Variants in MAP2K5 observed in about 807,000 individuals in gnomAD.
MAP2K5 encodes the protein dual specificity mitogen-activated protein kinase kinase 5.
A neutral mutation model predicts 83.1 loss-of-function variants in MAP2K5; 49 were observed. That is an observed-to-expected ratio of 0.59 (90% CI 0.47 to 0.75). The LOEUF (loss-of-function observed/expected upper bound fraction) is 0.75. Ranked by LOEUF, MAP2K5 falls within the 30% of genes least tolerant of loss-of-function variation. The probability of loss-of-function intolerance (pLI) is 0.00; values close to 1 mark genes in which losing one functional copy is unlikely to be tolerated. For synonymous variants in MAP2K5, 202 were observed against 191.8 expected (o/e 1.05, Z -0.44); for missense variants, 457 against 557.5 (o/e 0.82, Z 1.82).
intron 3 of MAP2K5, among the ~76,000 whole-genome samples, chr15:67,579,940 A>G (rs2085144914): frequency 6.6e-6 from 1 of 152,170 alleles, no homozygotes; most frequent in South Asian, 2.1e-4. Flanking sequence ...AGCAGTTTTC[A>G]TTGTGGATAT....
intron 21 of MAP2K5, among the ~76,000 whole-genome samples, chr15:67,804,773 A>G (rs554447937): frequency 6.6e-6 from 1 of 152,318 alleles, no homozygotes; most frequent in Admixed American, 6.5e-5. Context: ...GTTCTTTAGA[A>G]GGGCACGAGG....
At position 67,749,094 on chromosome 15, in the gene MAP2K5, AT is replaced by A. The variant is rs1486569130; in HGVS notation, c.1134+498del. 2.6e-5 allele frequency among the ~76,000 whole-genome samples: 4 copies of A among 152,160 alleles called. No homozygotes were observed. The highest frequency in any genetic ancestry group is 5.9e-5 in the Non-Finnish European group (4 of 68,028). On this transcript the variant is annotated intron_variant, in intron 19 of 21. Coordinates refer to ENST00000178640, the MANE Select transcript of MAP2K5 (RefSeq NM_145160.3). The surrounding 1 kb of genome is among the most constrained non-coding windows in gnomAD (Gnocchi z 4.6). ...TTCAGCGTTAATTTCCTAATTAGGCATTTTTCTCAGAATATGTCCCTAACAT... is the reference window on the plus strand; with the variant it reads ...TTCAGCGTTAATTTCCTAATTAGGCATTTTCTCAGAATATGTCCCTAACAT...
chr15:67,683,287 T>C (rs1206693719), intron 13 of MAP2K5, among the ~76,000 whole-genome samples: 2 of 152,198 alleles, frequency 1.3e-5, no homozygotes, highest in African/African-American at 2.4e-5. Flanking sequence ...TTAGGGGAGC[T>C]GTCCTTAACC....
intron 11 of MAP2K5, among the ~76,000 whole-genome samples, chr15:67,651,166 C>A (rs569112599): frequency 6.6e-6 from 1 of 152,270 alleles, no homozygotes; most frequent in Non-Finnish European, 1.5e-5. Flanking sequence ...TGCAGTGAGC[C>A]AAGATCATGC....
rs1329636592 is a variant in MAP2K5 at position 67,806,743 on chromosome 15, C to T, written c.1340C>T (p.Pro447Leu). 3 of 1,554,728 alleles carry T rather than the reference C, an allele frequency of 1.9e-6. No individual in the cohort carries two copies. Among genetic ancestry groups the T allele is most frequent in the African/African-American group, 1.4e-5 (1 of 73,364 alleles). The change falls in exon 22 of 22, where the codon CCC becomes CTC. Residue 447 changes from proline to leucine, a missense_variant. Pro to Leu is a moderately conservative substitution (Grantham distance 98, BLOSUM62 -3). This residue lies in a region of MAP2K5 where 55 missense variants were observed against 50.9 expected (regional missense o/e 1.08). Transcript: ENST00000178640. Reference sequence around the variant, plus strand: ...GAGGAGAGGCGGAGCCAGCAGGGGCCCCCGTGAGGCTGCCGCAGGGCACTG... The same window carrying T: ...GAGGAGAGGCGGAGCCAGCAGGGGCTCCCGTGAGGCTGCCGCAGGGCACTG... ...ALEERRSQQG[P>L]P
At chr15:67,553,467 A>C (rs2084553491) in intron 2 of MAP2K5, among the ~76,000 whole-genome samples, 1 of 152,236 alleles carries the variant, frequency 6.6e-6, no homozygotes. Context: ...CCCACAGACA[A>C]AATAATGACA....
intron 8 of MAP2K5, among the ~76,000 whole-genome samples, chr15:67,611,579 T>C (rs2085925777): frequency 6.6e-6 from 1 of 152,150 alleles, no homozygotes; most frequent in South Asian, 2.1e-4. Flanking sequence ...AAGCTTCATG[T>C]TATGGCCCCA....
chr15:67,694,761 A>G (rs1353258924), intron 15 of MAP2K5, among the ~76,000 whole-genome samples: 2 of 152,114 alleles, frequency 1.3e-5, no homozygotes. Flanking sequence ...ATTACCAGGT[A>G]TATACCCAAA....
chr15:67,598,033 C>A (rs2085565733), intron 7 of MAP2K5, among the ~76,000 whole-genome samples: 1 of 151,826 alleles, frequency 6.6e-6, no homozygotes, highest in Non-Finnish European at 1.5e-5. Flanking sequence ...GGTGAAACCC[C>A]ATCTCTACTA....
rs972793784 is a variant in MAP2K5 at position 67,717,793 on chromosome 15, A to G, written c.1045-10123A>G. ...GACCCTCCTCTCCCATCTCCCCTTCATGGCTAGCTTAGACTTCCTTTGTGG... is the reference window on the plus strand; with the variant it reads ...GACCCTCCTCTCCCATCTCCCCTTCGTGGCTAGCTTAGACTTCCTTTGTGG... On this transcript the variant is annotated intron_variant, in intron 16 of 21. Coordinates refer to ENST00000178640, the MANE Select transcript of MAP2K5 (RefSeq NM_145160.3). The surrounding 1 kb of genome is among the most constrained non-coding windows in gnomAD (Gnocchi z 4.1). Among the ~76,000 whole-genome samples, 1 of 152,132 alleles carries G rather than the reference A, an allele frequency of 6.6e-6. No homozygotes were observed.
In MAP2K5 at chr15:67,783,163, G is replaced by A. The variant is rs1245737364; in HGVS notation, c.1242+10411G>A. Among the ~76,000 whole-genome samples, 1 of 152,190 alleles carries A rather than the reference G, an allele frequency of 6.6e-6. No individual in the cohort carries two copies. The highest frequency in any genetic ancestry group is 1.5e-5 in the Non-Finnish European group (1 of 68,040). On this transcript the variant is annotated intron_variant, in intron 21 of 21. Coordinates refer to ENST00000178640, the MANE Select transcript of MAP2K5 (RefSeq NM_145160.3). The surrounding 1 kb of genome is among the most constrained non-coding windows in gnomAD (Gnocchi z 5.1). ...TGTCTTAGCATCTGCTCTGTGCCCA[G>A]CATCCTGCCTGACACCGAGGAGGCA...
intron 8 of MAP2K5, chr15:67,628,057 C>T (rs2086367732): frequency 1.4e-6 from 1 of 733,138 alleles, no homozygotes; most frequent in Non-Finnish European, 2.4e-6. Context: ...GCAGTGGATG[C>T]AGCCATGAAT....
intron 21 of MAP2K5, among the ~76,000 whole-genome samples, chr15:67,795,287 A>T (rs1206267681): frequency 6.6e-6 from 1 of 151,912 alleles, no homozygotes; most frequent in South Asian, 2.1e-4. Flanking sequence ...TTCTTTAGCT[A>T]TGCTTTTTGT....
chr15:67,605,959 C>T (rs1233776896), intron 8 of MAP2K5, among the ~76,000 whole-genome samples: 1 of 152,226 alleles, frequency 6.6e-6, no homozygotes, highest in Non-Finnish European at 1.5e-5. Flanking sequence ...GATTAACTTT[C>T]TTTAAAATGT....
chr15:67,707,295 G>A (rs925428098), intron 16 of MAP2K5, among the ~76,000 whole-genome samples: 2 of 152,148 alleles, frequency 1.3e-5, no homozygotes, highest in Non-Finnish European at 2.9e-5. Flanking sequence ...AGAAGTACTT[G>A]AAGACCAAGA....
chr15:67,807,086 G>A lies in MAP2K5; in HGVS notation c.*336G>A. On this transcript the variant is annotated 3_prime_UTR_variant, in exon 22 of 22. Coordinates refer to ENST00000178640, the MANE Select transcript of MAP2K5 (RefSeq NM_145160.3). This position sits in a 1 kb window ranked among gnomAD's most constrained non-coding sequence, Gnocchi z 5.1. ...GGTCAGGCCCGTCAGCATCACTGAT[G>A]GGAATAAAAGTATTAATGCTTTGTG... The A allele has an allele frequency of 1.4e-6, 1 of 690,414 alleles. No homozygotes were observed. Among genetic ancestry groups the A allele is most frequent in the Non-Finnish European group, 2.1e-6 (1 of 467,134 alleles). 42.8% of individuals were successfully genotyped at this position (690,414 alleles called of 1,614,324 possible). A position where few individuals can be genotyped will look rare whatever the true frequency, so the allele number is the denominator to read the frequency against.
In MAP2K5 at chr15:67,778,783, A is replaced by T. The variant is rs556956318; in HGVS notation, c.1242+6031A>T. 1.3e-5 allele frequency among the ~76,000 whole-genome samples: 2 copies of T among 152,320 alleles called. No homozygotes were observed. The highest frequency in any genetic ancestry group is 1.3e-4 in the Admixed American group (2 of 15,308). Reference sequence around the variant, plus strand: ...ACATGCCAAAGATAAGTTTCGGTTTACTTTGATCCGGGGCTTACCTGTGCC... The same window carrying T: ...ACATGCCAAAGATAAGTTTCGGTTTTCTTTGATCCGGGGCTTACCTGTGCC... On this transcript the variant is annotated intron_variant, in intron 21 of 21. Transcript: ENST00000178640. The surrounding 1 kb of genome is among the most constrained non-coding windows in gnomAD (Gnocchi z 5.0).
Position 67,555,121 on chromosome 15 carries a change from A to T in MAP2K5, c.184+5039A>T, listed in dbSNP as rs2084598141. On this transcript the variant is annotated intron_variant, in intron 2 of 21. Transcript: ENST00000178640. The surrounding 1 kb of genome is among the most constrained non-coding windows in gnomAD (Gnocchi z 5.2). ...TGATGGTCCTAAACCTTGTTTTCTT[A>T]TTAAAAGGACCTCTTTTAGGTCCTT... Among the ~76,000 whole-genome samples the T allele has an allele frequency of 6.6e-6, 1 of 152,168 alleles. No individual in the cohort carries two copies. The highest frequency in any genetic ancestry group is 2.4e-5 in the African/African-American group (1 of 41,430).
chr15:67,751,367 G>T (rs1019515836), intron 19 of MAP2K5, among the ~76,000 whole-genome samples: 4 of 152,152 alleles, frequency 2.6e-5, no homozygotes, highest in African/African-American at 9.7e-5. Flanking sequence ...AGGTATAAGT[G>T]ACAGCTTGAA....
Sources: allele counts gnomAD v4.1 joint callset (sites outside exome capture counted in the v4.1 genomes callset), GRCh38; gene constraint gnomAD v4.1.1; regional missense constraint gnomAD v4.1.1; non-coding constraint Gnocchi (gnomAD v3.1); transcripts MANE v1.5; gene names NCBI Gene and HGNC (gene_info 2026-07-23, HGNC 2026-07-21).